The following CLASP1 variants were observed in gnomAD, a reference collection of about 807,000 sequenced individuals.
CLASP1 encodes the protein CLIP-associating protein 1.
CLASP1 carries 38 observed loss-of-function variants against 192.3 expected under a neutral mutation model. The ratio of observed to expected loss-of-function variants is 0.20; its 90% CI spans 0.15 to 0.26. CLASP1 has a LOEUF of 0.26. CLASP1 is among the 10% of genes least tolerant of loss of function. CLASP1 has a pLI of 1.00. For missense variants in CLASP1, 1,433 were observed against 1,932.5 expected (o/e 0.74, Z 4.85); for synonymous variants, 691 against 712.8 (o/e 0.97, Z 0.49).
At chr2:121,406,873 G>A (rs908431718) in intron 25 of CLASP1, among the ~76,000 whole-genome samples, 2 of 152,152 alleles carry the variant, frequency 1.3e-5, no homozygotes, top group African/African-American at 4.8e-5. Flanking sequence ...TTACAGGTAT[G>A]AGCCACTGTG....
At chr2:121,632,898 G>GGA (rs1553680683) in intron 1 of CLASP1, among the ~76,000 whole-genome samples, 12 of 86,298 alleles carry the variant, frequency 1.4e-4, no homozygotes, top group African/African-American at 8.5e-4. Context: ...CTCCATCTCA[G>GGA]AAAAAAAAAA....
intron 8 of CLASP1, among the ~76,000 whole-genome samples, chr2:121,502,116 TATC>T (rs1221114396): frequency 1.3e-5 from 2 of 152,110 alleles, no homozygotes; most frequent in African/African-American, 4.8e-5. Context: ...AGTTCTCAAA[TATC>T]ATCACAAAGT....
exon 32 of CLASP1, chr2:121,387,164 A>C: frequency 6.2e-7 from 1 of 1,613,662 alleles, no homozygotes; most frequent in African/African-American, 1.3e-5. Flanking sequence ...GGGTGAGGTC[A>C]GGGGGCTGGT....
chr2:121,363,206 T>C, exon 37 of CLASP1: 1 of 1,614,006 alleles, frequency 6.2e-7, no homozygotes. Flanking sequence ...TTCCAGAGTC[T>C]TCATAATCGT....
At chr2:121,598,212 A>G (rs1396187573) in intron 2 of CLASP1, among the ~76,000 whole-genome samples, 1 of 152,176 alleles carries the variant, frequency 6.6e-6, no homozygotes, top group East Asian at 1.9e-4. Flanking sequence ...GCTGTTCTGA[A>G]TGTATGCTTA....
chr2:121,465,837 A>G (rs1173393148), intron 9 of CLASP1, among the ~76,000 whole-genome samples: 1 of 152,248 alleles, frequency 6.6e-6, no homozygotes, highest in African/African-American at 2.4e-5. Context: ...AGATCAATGA[A>G]ACAGAACAGA....
At chr2:121,401,253 T>A (rs921681239) in intron 28 of CLASP1, among the ~76,000 whole-genome samples, 3 of 152,224 alleles carry the variant, frequency 2.0e-5, no homozygotes, top group Non-Finnish European at 4.4e-5. Context: ...AGAGAATCAA[T>A]TTCCAAAGTT....
At chr2:121,609,916 C>A (rs2064989008) in intron 1 of CLASP1, among the ~76,000 whole-genome samples, 1 of 152,074 alleles carries the variant, frequency 6.6e-6, no homozygotes, top group Non-Finnish European at 1.5e-5. Flanking sequence ...TCCAGCCTGG[C>A]AACAGAGAGA....
chr2:121,526,783 G>A (rs747579684), intron 5 of CLASP1, among the ~76,000 whole-genome samples: 22 of 151,782 alleles, frequency 1.4e-4, no homozygotes, highest in East Asian at 1.4e-3. Context: ...TTTTCCTTGC[G>A]TACATTTTTA....
intron 1 of CLASP1, among the ~76,000 whole-genome samples, chr2:121,635,738 T>A (rs2070721322): frequency 6.6e-6 from 1 of 152,246 alleles, no homozygotes; most frequent in African/African-American, 2.4e-5. Flanking sequence ...TTTATTTTAA[T>A]TTTTTGTTAG....
intron 9 of CLASP1, 22 bp downstream of exon 9, chr2:121,469,786 G>A (rs747656210): frequency 8.7e-5 from 138 of 1,593,044 alleles, no homozygotes; most frequent in South Asian, 3.6e-4. Context: ...ACCCCAGAAC[G>A]CCACACAGGG....
At chr2:121,457,442 TTCTC>T (rs1489418658) in intron 14 of CLASP1, among the ~76,000 whole-genome samples, 2 of 144,826 alleles carry the variant, frequency 1.4e-5, no homozygotes, top group African/African-American at 5.5e-5. Flanking sequence ...CAAACTCACT[TTCTC>T]TCACACAGAC....
intron 8 of CLASP1, among the ~76,000 whole-genome samples, chr2:121,471,027 A>G (rs1477000527): frequency 6.6e-6 from 1 of 152,232 alleles, no homozygotes; most frequent in African/African-American, 2.4e-5. Context: ...ACACAGCTAT[A>G]ATCCTACCAC....
At chr2:121,400,489 A>G (rs2075999653) in intron 28 of CLASP1, among the ~76,000 whole-genome samples, 1 of 152,200 alleles carries the variant, frequency 6.6e-6, no homozygotes, top group South Asian at 2.1e-4. Flanking sequence ...GGAGCCAGAG[A>G]GGGAAGAGAA....
intron 8 of CLASP1, among the ~76,000 whole-genome samples, chr2:121,483,819 A>G (rs552074330): frequency 5.3e-5 from 8 of 152,360 alleles, no homozygotes; most frequent in Admixed American, 2.6e-4. Context: ...CTGTATTTAC[A>G]TAATTATAAA....
intron 20 of CLASP1, 31 bp downstream of exon 20, chr2:121,430,042 G>C: frequency 2.0e-6 from 3 of 1,469,914 alleles, no homozygotes; most frequent in Non-Finnish European, 2.8e-6. Flanking sequence ...ATAAAACTGA[G>C]GTAAGCAAGA....
intron 29 of CLASP1, 84 bp from the exon 31 acceptor site, chr2:121,397,367 A>T: frequency 8.3e-7 from 1 of 1,199,794 alleles, no homozygotes; most frequent in Non-Finnish European, 1.2e-6. Flanking sequence ...GAGAAAAGTA[A>T]ACCCTGGTGA....
At chr2:121,647,091 A>G (rs190771774) in intron 1 of CLASP1, among the ~76,000 whole-genome samples, 8 of 142,502 alleles carry the variant, frequency 5.6e-5, no homozygotes, top group Admixed American at 3.5e-4. Flanking sequence ...ACATGGGCCG[A>G]GCGCGATTGC....
exon 40 of CLASP1, chr2:121,338,142 G>A (rs1233818585): frequency 1.3e-5 from 2 of 152,204 alleles, no homozygotes; most frequent in Non-Finnish European, 2.9e-5. Context: ...CCTTTAAAGT[G>A]TAACATTACG....
Sources: allele counts gnomAD v4.1 joint callset (sites outside exome capture counted in the v4.1 genomes callset), GRCh38; gene constraint gnomAD v4.1.1; transcripts MANE v1.5; gene names NCBI Gene and HGNC (gene_info 2026-07-23, HGNC 2026-07-21).